Variants in DTHD1 observed in about 807,000 individuals in gnomAD.
DTHD1 encodes death domain-containing protein 1.
DTHD1 carries 59 observed loss-of-function variants against 74.8 expected under a neutral mutation model. The ratio of observed to expected loss-of-function variants is 0.79; its 90% confidence interval spans 0.64 to 0.98. DTHD1 has a LOEUF of 0.98. DTHD1 is among the 50% of genes least tolerant of loss of function. DTHD1 has a pLI of 0.00. For missense variants in DTHD1, 1,051 were observed against 1,065.4 expected (o/e 0.99, Z 0.19); for synonymous variants, 365 against 371.1 (o/e 0.98, Z 0.19).
chr4:36,308,129 T>C (rs908333748), intron 6 of DTHD1, 75 bp from the exon 7 acceptor site: 2 of 1,343,954 alleles, frequency 1.5e-6, no homozygotes, highest in Middle Eastern at 3.7e-4. Context: ...ACTCTTTTCT[T>C]GGGTGTTATT....
intron 1 of DTHD1, 128 bp from the exon 2 acceptor site, chr4:36,283,848 A>T: frequency 1.5e-6 from 1 of 679,370 alleles, no homozygotes; most frequent in Non-Finnish European, 2.4e-6. Context: ...AGTTTGGCTT[A>T]AATGCACAGT....
chr4:36,335,407 T>C (rs1478933362), intron 8 of DTHD1, among the ~76,000 whole-genome samples: 1 of 152,136 alleles, frequency 6.6e-6, no homozygotes, highest in Non-Finnish European at 1.5e-5. Flanking sequence ...GTATTTTTTT[T>C]GTAGAGATGA....
chr4:36,307,232 G>T (rs77275710), intron 6 of DTHD1, among the ~76,000 whole-genome samples: 11,270 of 152,224 alleles, frequency 0.074, 469 homozygotes, highest in Admixed American at 0.091. Context: ...CATACTGGTG[G>T]CTTAAACAAC....
intron 8 of DTHD1, among the ~76,000 whole-genome samples, chr4:36,336,760 G>A (rs1415386134): frequency 6.6e-6 from 1 of 152,146 alleles, no homozygotes; most frequent in East Asian, 1.9e-4. Context: ...GTGGCAAAGG[G>A]AGAAACAAAC....
At chr4:36,315,763 G>A (rs1757675373) in intron 7 of DTHD1, 1 of 152,316 alleles carries the variant, frequency 6.6e-6, no homozygotes, top group East Asian at 1.9e-4. Context: ...GAGAGCACCT[G>A]GCCCAACAAC....
At chr4:36,333,080 A>G (rs1758792425) in intron 8 of DTHD1, among the ~76,000 whole-genome samples, 1 of 152,188 alleles carries the variant, frequency 6.6e-6, no homozygotes, top group South Asian at 2.1e-4. Flanking sequence ...GGTTTTACCT[A>G]AAAATGCATG....
chr4:36,287,590 T>C (rs1755784405), intron 2 of DTHD1, among the ~76,000 whole-genome samples: 1 of 152,234 alleles, frequency 6.6e-6, no homozygotes, highest in Non-Finnish European at 1.5e-5. Context: ...TTTACTAGTT[T>C]ACATTCCCAC....
intron 8 of DTHD1, among the ~76,000 whole-genome samples, chr4:36,330,355 T>C (rs912832854): frequency 3.3e-5 from 5 of 152,204 alleles, no homozygotes; most frequent in Non-Finnish European, 5.9e-5. Flanking sequence ...AGGATCTGGA[T>C]TCTTACTGAT....
chr4:36,294,532 G>T (rs1172567376), intron 4 of DTHD1, among the ~76,000 whole-genome samples: 2 of 151,888 alleles, frequency 1.3e-5, no homozygotes, highest in African/African-American at 2.4e-5. Flanking sequence ...TTTGTTGCCT[G>T]CAATTAAGTC....
At position 36,290,364 on chromosome 4, in the gene DTHD1, C is replaced by A; in HGVS notation, c.888-9C>A. On this transcript the variant is annotated splice_polypyrimidine_tract_variant and intron_variant, in intron 2 of 9. Transcript: ENST00000639862. ...AATTGGAAAAATGACATTCTTTTTC[C>A]CCCTCCAGGTATCTTGATGTGCTGA... The A allele has an allele frequency of 6.5e-7, 1 of 1,530,740 alleles. No individual in the cohort carries two copies. Among genetic ancestry groups the A allele is most frequent in the South Asian group, 1.2e-5 (1 of 82,036 alleles). The allele number at this position is 1,530,740 out of a possible 1,614,324, so 94.8% of individuals were successfully genotyped here. A position where few individuals can be genotyped will look rare whatever the true frequency, so the allele number is the denominator to read the frequency against.
chr4:36,287,579 T>G (rs1396734566), intron 2 of DTHD1, among the ~76,000 whole-genome samples: 2 of 152,172 alleles, frequency 1.3e-5, no homozygotes, highest in African/African-American at 4.8e-5. Flanking sequence ...TCCATAATGG[T>G]TTTACTAGTT....
At chr4:36,305,238 C>T (rs982469629) in intron 5 of DTHD1, among the ~76,000 whole-genome samples, 3 of 152,068 alleles carry the variant, frequency 2.0e-5, no homozygotes, top group African/African-American at 7.2e-5. Flanking sequence ...TGTATTAGTC[C>T]ATTTTCATGC....
chr4:36,324,192 A>C (rs1578479855), intron 8 of DTHD1, among the ~76,000 whole-genome samples: 50 of 126,596 alleles, frequency 3.9e-4, no homozygotes, highest in Middle Eastern at 4.1e-3. Context: ...TTTCCCCTCC[A>C]CTCTCCTCCC....
intron 6 of DTHD1, among the ~76,000 whole-genome samples, chr4:36,306,982 C>A (rs188389005): frequency 3.2e-4 from 48 of 152,312 alleles, no homozygotes; most frequent in South Asian, 4.1e-4. Context: ...ATGGAAAAAA[C>A]CATGGTTTCA....
In DTHD1 at chr4:36,301,397, C is replaced by T. The variant is rs1429990657; in HGVS notation, c.1644-4794C>T. On this transcript the variant is annotated intron_variant, in intron 5 of 9. Transcript: ENST00000639862. ...AAAAAGGGTAATTTTGGGAGTAGCT[C>T]ATATCTTAGGATATAAAACTCCAGA... 1.5e-4 allele frequency among the ~76,000 whole-genome samples: 23 copies of T among 151,924 alleles called. 1 individual carries two copies. The highest frequency in any genetic ancestry group is 1.2e-3 in the Admixed American group (18 of 15,274).
intron 8 of DTHD1, among the ~76,000 whole-genome samples, chr4:36,336,968 TG>T (rs758912666): frequency 4.6e-4 from 70 of 151,434 alleles, no homozygotes; most frequent in Non-Finnish European, 7.7e-4. Flanking sequence ...GAGAGGAAAG[TG>T]GGGGGAAATG....
At chr4:36,309,673 A>G (rs1757271821) in intron 7 of DTHD1, among the ~76,000 whole-genome samples, 1 of 152,026 alleles carries the variant, frequency 6.6e-6, no homozygotes, top group African/African-American at 2.4e-5. Flanking sequence ...TTTTTTCTTT[A>G]CAAAATGCTT....
intron 7 of DTHD1, among the ~76,000 whole-genome samples, chr4:36,312,086 C>T (rs777531637): frequency 1.3e-5 from 2 of 152,136 alleles, no homozygotes; most frequent in Non-Finnish European, 2.9e-5. Flanking sequence ...AAACAAGCTA[C>T]AGCAAGCTTT....
chr4:36,288,211 G>A (rs1041636221), intron 2 of DTHD1, among the ~76,000 whole-genome samples: 3 of 152,146 alleles, frequency 2.0e-5, no homozygotes, highest in African/African-American at 7.2e-5. Context: ...CAATTCTCCT[G>A]TTCCAGTCTC....
Sources: allele counts gnomAD v4.1 joint callset (sites outside exome capture counted in the v4.1 genomes callset), GRCh38; gene constraint gnomAD v4.1.1; transcripts MANE v1.5; gene names NCBI Gene and HGNC (gene_info 2026-07-23, HGNC 2026-07-21).